Variants in MEP1A observed in about 807,000 individuals in gnomAD.
MEP1A encodes the protein meprin A subunit alpha.
Under a neutral mutation model 84.5 loss-of-function variants are expected in MEP1A, and 68 were observed. The observed-to-expected ratio is 0.80, with a 90% CI of 0.66 to 0.98. MEP1A has a LOEUF of 0.98. Among genes scored for constraint, MEP1A ranks in the 50% least tolerant of loss-of-function variants. The pLI is 0.00. For synonymous variants in MEP1A, 337 were observed against 336.8 expected, an observed-to-expected ratio of 1.00 and a Z score of -0.01; for missense variants, 887 against 919.9, an observed-to-expected ratio of 0.96 and a Z score of 0.46.
intron 10 of MEP1A, among the ~76,000 whole-genome samples, chr6:46,831,050 A>G (rs1768063938): frequency 6.6e-6 from 1 of 152,218 alleles, no homozygotes; most frequent in South Asian, 2.1e-4. Context: ...TTAGTTTCTT[A>G]CACTGCTGTG....
chr6:46,817,922 C>T (rs906419109), intron 6 of MEP1A, among the ~76,000 whole-genome samples: 16 of 152,234 alleles, frequency 1.1e-4, no homozygotes, highest in African/African-American at 3.9e-4. Flanking sequence ...CTAAGCCCTT[C>T]AGGGCACTGG....
At chr6:46,801,502 T>C (rs1383353264) in intron 5 of MEP1A, among the ~76,000 whole-genome samples, 6 of 152,120 alleles carry the variant, frequency 3.9e-5, no homozygotes, top group Admixed American at 3.9e-4. Context: ...TTTTATATAT[T>C]ATGGCTAAAG....
chr6:46,819,469 G>A, intron 6 of MEP1A, 60 bp from the exon 7 acceptor site: 1 of 1,420,226 alleles, frequency 7.0e-7, no homozygotes, highest in Non-Finnish European at 9.6e-7. Context: ...TTGGAGTACT[G>A]TGAATGACAG....
chr6:46,810,311 ATTGT>A (rs1258926904), intron 6 of MEP1A, among the ~76,000 whole-genome samples: 1 of 151,162 alleles, frequency 6.6e-6, no homozygotes, highest in African/African-American at 2.4e-5. Flanking sequence ...TTTTGATGGG[ATTGT>A]TTGTTTTTTT....
chr6:46,807,624 A>G (rs2894714), intron 5 of MEP1A, among the ~76,000 whole-genome samples: 1,512 of 67,850 alleles, frequency 0.022, 93 homozygotes, highest in South Asian at 0.032. Context: ...AAGGAAGGAA[A>G]GAAGGAAGGA....
At position 46,793,595 on chromosome 6, in the gene MEP1A, G is replaced by A; in HGVS notation, c.94+19G>A. ...GAAAATGGTAAGAATTAGTTCAAAT[G>A]CACAGAGAGTGTTTTTGAACTTTTT... On this transcript the variant is annotated intron_variant, in intron 2 of 13. Transcript: ENST00000230588. The A allele has an allele frequency of 1.3e-6, 2 of 1,558,128 alleles. No individual in the cohort carries two copies. Among genetic ancestry groups the A allele is most frequent in the Non-Finnish European group, 1.8e-6 (2 of 1,138,228 alleles).
At chr6:46,845,253 G>A in the MEP1A span, among the ~76,000 whole-genome samples, 4 of 152,236 alleles carry the variant, frequency 2.6e-5, no homozygotes, top group East Asian at 1.9e-4. Context: ...TCCTAAAGGA[G>A]TCTTGGTGCA....
intron 7 of MEP1A, among the ~76,000 whole-genome samples, chr6:46,823,598 CA>C (rs1285758658): frequency 2.0e-5 from 3 of 152,114 alleles, no homozygotes; most frequent in Non-Finnish European, 4.4e-5. Flanking sequence ...GGCAACAGAG[CA>C]AAAACTCCGT....
chr6:46,826,518 A>G lies in MEP1A; in HGVS notation c.928+15A>G. 1 of 1,499,046 alleles carries G rather than the reference A, an allele frequency of 6.7e-7. No homozygotes were observed. The highest frequency in any genetic ancestry group is 9.0e-7 in the Non-Finnish European group (1 of 1,116,002). 92.9% of individuals were successfully genotyped at this position (1,499,046 alleles called of 1,614,324 possible). A position where few individuals can be genotyped will look rare whatever the true frequency, so the allele number is the denominator to read the frequency against. ...ACAATGCACAGGTCAGTGAAAGTGG[A>G]AAGCAAACACATTGATGTGGTTCAC... On this transcript the variant is annotated intron_variant, in intron 9 of 13. Transcript: ENST00000230588.
At chr6:46,811,677 A>G (rs1319204360) in intron 6 of MEP1A, among the ~76,000 whole-genome samples, 1 of 152,046 alleles carries the variant, frequency 6.6e-6, no homozygotes, top group East Asian at 1.9e-4. Flanking sequence ...GTTTTTAATC[A>G]TACAGGGATG....
intron 6 of MEP1A, among the ~76,000 whole-genome samples, chr6:46,817,533 G>A (rs1385967691): frequency 2.6e-5 from 4 of 152,174 alleles, no homozygotes; most frequent in African/African-American, 9.7e-5. Context: ...TCAAGGAAGT[G>A]CTAAAACCCT....
intron 6 of MEP1A, among the ~76,000 whole-genome samples, chr6:46,816,501 T>C (rs774476819): frequency 7.0e-6 from 1 of 141,916 alleles, no homozygotes; most frequent in Non-Finnish European, 1.5e-5. Flanking sequence ...TTGAGATGAG[T>C]GTTAGAGAGA....
chr6:46,799,067 G>A (rs748380479), intron 4 of MEP1A, 39 bp from the exon 5 acceptor site: 1 of 1,354,300 alleles, frequency 7.4e-7, no homozygotes, highest in Non-Finnish European at 1.1e-6. Context: ...TGACCTTGAG[G>A]ACTAGGCTTC....
intron 6 of MEP1A, among the ~76,000 whole-genome samples, chr6:46,817,980 C>G (rs531385372): frequency 6.6e-6 from 1 of 152,270 alleles, no homozygotes; most frequent in South Asian, 2.1e-4. Flanking sequence ...AAGACAAGGT[C>G]AAAAGTTCTC....
At chr6:46,828,360 G>A (rs567320806) in intron 9 of MEP1A, among the ~76,000 whole-genome samples, 13 of 151,846 alleles carry the variant, frequency 8.6e-5, no homozygotes, top group Admixed American at 5.3e-4. Context: ...TATTAAAGTC[G>A]TTTGATATTT....
chr6:46,820,146 C>A (rs941711782), intron 7 of MEP1A, among the ~76,000 whole-genome samples: 4 of 152,028 alleles, frequency 2.6e-5, no homozygotes, highest in Admixed American at 1.3e-4. Flanking sequence ...AGTTGCTTTA[C>A]CAAATCAATA....
intron 6 of MEP1A, among the ~76,000 whole-genome samples, chr6:46,816,719 G>A (rs1767644249): frequency 1.3e-5 from 2 of 152,138 alleles, no homozygotes; most frequent in East Asian, 3.9e-4. Flanking sequence ...GCTTTTCATG[G>A]ACTCAGTGCT....
chr6:46,843,407 T>C (rs1581694841), downstream of MEP1A, among the ~76,000 whole-genome samples: 1 of 152,380 alleles, frequency 6.6e-6, no homozygotes, highest in African/African-American at 2.4e-5. Context: ...GTTAGTTCAC[T>C]GGGCCTGCCA....
downstream of MEP1A, among the ~76,000 whole-genome samples, chr6:46,841,755 G>T (rs184347661): frequency 8.1e-4 from 124 of 152,264 alleles, no homozygotes; most frequent in Non-Finnish European, 1.2e-3. Flanking sequence ...CAAATGTCAG[G>T]TTCTTTCAGT....
Sources: gnomAD v4.1 joint callset for allele counts (sites outside exome capture counted in the v4.1 genomes callset) on GRCh38, gnomAD v4.1.1 for gene constraint, MANE v1.5 for transcripts, NCBI Gene and HGNC (gene_info 2026-07-23, HGNC 2026-07-21) for gene names.